Variants in CREB5 observed in about 807,000 individuals in gnomAD.
CREB5 encodes the protein cAMP responsive element binding protein 5.
Under a neutral mutation model 57.1 loss-of-function variants are expected in CREB5, and 19 were observed. The ratio of observed to expected loss-of-function variants is 0.33; its 90% CI spans 0.23 to 0.49. CREB5 has a LOEUF of 0.49. Ranked by LOEUF, CREB5 falls within the 20% of genes least tolerant of loss-of-function variation. CREB5 has a pLI of 0.99. For synonymous variants in CREB5, 238 were observed against 238.3 expected, an observed-to-expected ratio of 1.00 and a Z score of 0.01; for missense variants, 579 against 671.6, an observed-to-expected ratio of 0.86 and a Z score of 1.52.
intron 4 of CREB5, among the ~76,000 whole-genome samples, chr7:28,560,953 T>TGTGC (rs1795211042): frequency 2.1e-5 from 1 of 47,178 alleles, no homozygotes; most frequent in African/African-American, 9.8e-5. Flanking sequence ...TGTGTGTGCG[T>TGTGC]GTGTGTGCGT....
intron 5 of CREB5, among the ~76,000 whole-genome samples, chr7:28,674,098 T>G (rs946568133): frequency 2.6e-5 from 4 of 151,702 alleles, no homozygotes; most frequent in African/African-American, 9.7e-5. Flanking sequence ...TAAAAGCTTT[T>G]GGACTCACGC....
At chr7:28,462,616 TG>T (rs1019369685) in intron 1 of CREB5, among the ~76,000 whole-genome samples, 6 of 152,194 alleles carry the variant, frequency 3.9e-5, no homozygotes, top group Non-Finnish European at 8.8e-5. Flanking sequence ...ACCATTCTAG[TG>T]GGTATGAAGT....
At position 28,396,386 on chromosome 7, in the gene CREB5, T is replaced by A. The variant is rs755534169; in HGVS notation, c.-25+96945T>A. On this transcript the variant is annotated intron_variant, in intron 1 of 9. Coordinates refer to the CREB5 transcript ENST00000396299. ...ATCTTTTGTTTCATTTTAGGTGGTA[T>A]TTTTGCACCTGTTGGGGATGTTTAT... Among the ~76,000 whole-genome samples, 2 of 152,214 alleles carry A rather than the reference T, an allele frequency of 1.3e-5. 1 individual carries two copies. Among genetic ancestry groups the A allele is most frequent in the African/African-American group, 4.8e-5 (2 of 41,464 alleles).
chr7:28,561,012 G>A (rs1450634104), intron 4 of CREB5, among the ~76,000 whole-genome samples: 1 of 55,928 alleles, frequency 1.8e-5, no homozygotes. Flanking sequence ...GTGCGTGTGT[G>A]TGTGCGTGTG....
At position 28,560,867 on chromosome 7, in the gene CREB5, TGCGTGCGCGTGC is replaced by T. The variant is rs1795120439; in HGVS notation, c.292-9496_292-9485del. 1.0e-3 allele frequency among the ~76,000 whole-genome samples: 22 copies of T among 22,066 alleles called. 3 individuals are homozygous for T. Among genetic ancestry groups the T allele is most frequent in the African/African-American group, 5.1e-3 (21 of 4,084 alleles). 14.5% of individuals were successfully genotyped at this position (22,066 alleles called of 152,430 possible). A position where few individuals can be genotyped will look rare whatever the true frequency, so the allele number is the denominator to read the frequency against. ...GTGCGCGTGTGTGTGTGCGTGTGCC[TGCGTGCGCGTGC>T]GTGCGTGCGTGTGTGTGCGTGCGCG... On this transcript the variant is annotated intron_variant, in intron 4 of 10. Coordinates refer to ENST00000357727, the MANE Select transcript of CREB5 (RefSeq NM_182898.4).
intron 4 of CREB5, among the ~76,000 whole-genome samples, chr7:28,531,752 C>T (rs969779631): frequency 2.6e-5 from 4 of 152,116 alleles, no homozygotes; most frequent in Non-Finnish European, 5.9e-5. Flanking sequence ...TGAGGCTAGC[C>T]GGGCGTGGGG....
chr7:28,569,913 T>TAC (rs1795630829), intron 4 of CREB5, among the ~76,000 whole-genome samples: 1 of 151,870 alleles, frequency 6.6e-6, no homozygotes, highest in African/African-American at 2.4e-5. Flanking sequence ...AAAAAATGTA[T>TAC]ATATATGGTT....
At chr7:28,435,932 T>C (rs1186351397) in intron 1 of CREB5, among the ~76,000 whole-genome samples, 1 of 152,088 alleles carries the variant, frequency 6.6e-6, no homozygotes, top group Non-Finnish European at 1.5e-5. Context: ...TATAAGAGGA[T>C]TTGAGGAAGC....
At position 28,377,164 on chromosome 7, in the gene CREB5, G is replaced by C. The variant is rs115725346; in HGVS notation, c.-25+77723G>C. Among the ~76,000 whole-genome samples, 1,179 of 152,142 alleles carry C rather than the reference G, an allele frequency of 7.7e-3. 11 individuals are homozygous for C. The highest frequency in any genetic ancestry group is 0.027 in the African/African-American group (1,129 of 41,486). Reference sequence around the variant, plus strand: ...AAAGGTATCCCTTCCTAACATATAGGAATTGGCTCTCTTTTGCTCTGGGGA... The same window carrying C: ...AAAGGTATCCCTTCCTAACATATAGCAATTGGCTCTCTTTTGCTCTGGGGA... On this transcript the variant is annotated intron_variant, in intron 1 of 9. Coordinates refer to the CREB5 transcript ENST00000396299.
chr7:28,787,855 G>A (rs1450823606), intron 7 of CREB5, among the ~76,000 whole-genome samples: 1 of 152,132 alleles, frequency 6.6e-6, no homozygotes, highest in African/African-American at 2.4e-5. Flanking sequence ...CGCCTAGCCT[G>A]AAAACTAGAT....
chr7:28,593,245 A>G (rs756370581), intron 5 of CREB5, among the ~76,000 whole-genome samples: 4 of 152,026 alleles, frequency 2.6e-5, no homozygotes, highest in Non-Finnish European at 5.9e-5. Context: ...TTTTTAAAAG[A>G]TTTTTATTTT....
chr7:28,358,526 G>A (rs1449098979), intron 1 of CREB5, among the ~76,000 whole-genome samples: 1 of 152,244 alleles, frequency 6.6e-6, no homozygotes, highest in Admixed American at 6.5e-5. Flanking sequence ...GTTAACCAAA[G>A]CATGTTGTTT....
chr7:28,399,417 G>A (rs1787403480), intron 1 of CREB5, among the ~76,000 whole-genome samples: 1 of 93,698 alleles, frequency 1.1e-5, no homozygotes, highest in Non-Finnish European at 2.1e-5. Flanking sequence ...CATCATTCTG[G>A]TAAAAAAAAA....
At chr7:28,717,735 A>G (rs1199604963) in intron 5 of CREB5, among the ~76,000 whole-genome samples, 1 of 152,204 alleles carries the variant, frequency 6.6e-6, no homozygotes, top group Non-Finnish European at 1.5e-5. Context: ...CATAACATTC[A>G]GGAGAAGGTT....
chr7:28,722,232 G>A (rs542878890), intron 6 of CREB5, among the ~76,000 whole-genome samples: 5 of 152,294 alleles, frequency 3.3e-5, no homozygotes, highest in Middle Eastern at 3.4e-3. Flanking sequence ...GAAGCTGTAA[G>A]CAGGCTACTC....
chr7:28,784,668 G>A (rs916475967), intron 7 of CREB5, among the ~76,000 whole-genome samples: 1 of 152,122 alleles, frequency 6.6e-6, no homozygotes, highest in Non-Finnish European at 1.5e-5. Flanking sequence ...CTGCTACCCT[G>A]GCAGGAAAGG....
chr7:28,804,391 C>T lies in CREB5; in HGVS notation c.895C>T (p.His299Tyr). The change falls in exon 8 of 11, where the codon CAC (histidine) becomes TAC (tyrosine). Residue 299 changes from histidine to tyrosine, a missense_variant. Physicochemically the swap from His to Tyr is moderately conservative, Grantham distance 83. Transcript: ENST00000357727. ...PYPHQHQHPAHHPHPQPHHQQ... is the reference protein window; with the variant it reads ...PYPHQHQHPAYHPHPQPHHQQ... ...CCCACACCAGCACCAGCACCCAGCACACCATCCTCACCCTCAACCCCATCA... is the reference window on the plus strand; with the variant it reads ...CCCACACCAGCACCAGCACCCAGCATACCATCCTCACCCTCAACCCCATCA... The T allele has an allele frequency of 6.2e-7, 1 of 1,614,006 alleles. No homozygotes were observed. Among genetic ancestry groups the T allele is most frequent in the Non-Finnish European group, 8.5e-7 (1 of 1,179,936 alleles).
chr7:28,456,201 C>G (rs373637259), intron 1 of CREB5, among the ~76,000 whole-genome samples: 2 of 152,036 alleles, frequency 1.3e-5, no homozygotes, highest in East Asian at 1.9e-4. Context: ...AAAATGTTCC[C>G]TCTGAAGCAT....
chr7:28,309,621 C>G (rs1785241955), intron 1 of CREB5, among the ~76,000 whole-genome samples: 1 of 152,192 alleles, frequency 6.6e-6, no homozygotes, highest in Non-Finnish European at 1.5e-5. Flanking sequence ...TTGCCAATGC[C>G]AGGAGAGCCC....
Sources: allele counts gnomAD v4.1 joint callset (sites outside exome capture counted in the v4.1 genomes callset), GRCh38; gene constraint gnomAD v4.1.1; transcripts MANE v1.5; gene names NCBI Gene and HGNC (gene_info 2026-07-23, HGNC 2026-07-21).